The following PLXNA1 variants were observed in gnomAD, a reference collection of about 807,000 sequenced individuals.
PLXNA1 encodes the protein plexin-A1.
In PLXNA1, 77 loss-of-function variants were observed where a neutral mutation model predicts 191.7. That is an observed-to-expected ratio of 0.40 (90% confidence interval 0.33 to 0.49). The LOEUF (loss-of-function observed/expected upper bound fraction) is 0.49, where lower values mean the gene tolerates loss of function less well. Ranked by LOEUF, PLXNA1 falls within the 20% of genes least tolerant of loss-of-function variation. The probability of loss-of-function intolerance (pLI) is 0.63; values close to 1 mark genes in which losing one functional copy is unlikely to be tolerated. For missense variants in PLXNA1, 2,110 were observed against 2,660.2 expected, an observed-to-expected ratio of 0.79 and a Z score of 4.55; for synonymous variants, 1,137 against 1,156.4, an observed-to-expected ratio of 0.98 and a Z score of 0.34.
chr3:127,017,523 G>T lies in PLXNA1; in HGVS notation c.3375G>T (p.Glu1125Asp). The change falls in exon 18 of 32, where the codon GAG becomes GAT. Residue 1125 changes from glutamate (E) to aspartate (D), a missense_variant. By Grantham distance (45) the Glu-to-Asp change is conservative (BLOSUM62 2). This residue lies in a region of PLXNA1 where 644 missense variants were observed against 714.3 expected (regional missense o/e 0.90). Transcript: ENST00000393409. Reference protein sequence around the residue: ...SPPELGERPDELGFVMDNVRS... With the variant: ...SPPELGERPDDLGFVMDNVRS... Reference sequence around the variant, plus strand: ...CAGAGCTGGGGGAGCGGCCGGATGAGCTGGGCTTCGTCATGGACAACGTGC... The same window carrying T: ...CAGAGCTGGGGGAGCGGCCGGATGATCTGGGCTTCGTCATGGACAACGTGC... 1.2e-6 allele frequency: 2 copies of T among 1,613,630 alleles called. No homozygotes were observed. Among genetic ancestry groups the T allele is most frequent in the Non-Finnish European group, 1.7e-6 (2 of 1,180,004 alleles).
At chr3:127,028,123 GC>G (rs1559966089) in intron 24 of PLXNA1, 37 bp downstream of exon 24, 2 of 1,613,404 alleles carry the variant, frequency 1.2e-6, no homozygotes. Context: ...GTGCCCTGGT[GC>G]CCCCCACCCC....
Position 127,033,947 on chromosome 3 carries a change from A to C in PLXNA1, c.5621A>C (p.Glu1874Ala). The C allele has an allele frequency of 6.2e-7, 1 of 1,605,300 alleles. No individual in the cohort carries two copies. Among genetic ancestry groups the C allele is most frequent in the South Asian group, 1.1e-5 (1 of 88,780 alleles). ...ATCCTGGCAGCCCTGGAGAAGGATG[A>C]GCAGGCGCGGCGGCAGCGGCTGCGG... ...DEILAALEKD[E>A]QARRQRLRSK... The change falls in exon 32 of 32, where the codon GAG becomes GCG. Residue 1874 changes from glutamate (E) to alanine (A), a missense_variant. By Grantham distance (107) the Glu-to-Ala change is moderately radical. This residue lies in a region of PLXNA1 where 559 missense variants were observed against 911.5 expected (regional missense o/e 0.61). Coordinates refer to ENST00000393409, the MANE Select transcript of PLXNA1 (RefSeq NM_032242.4).
At chr3:126,987,773 C>T (rs2107619617) in intron 1 of PLXNA1, among the ~76,000 whole-genome samples, 1 of 145,286 alleles carries the variant, frequency 6.9e-6, no homozygotes, top group Non-Finnish European at 1.5e-5. Flanking sequence ...GGCCGTGTGG[C>T]GGGGCACCCG....
chr3:126,995,578 A>G (rs2079011366), intron 3 of PLXNA1, among the ~76,000 whole-genome samples: 1 of 152,270 alleles, frequency 6.6e-6, no homozygotes, highest in Non-Finnish European at 1.5e-5. Flanking sequence ...CAGCCTGCCC[A>G]TTCAGGGAAT....
At chr3:127,021,701 G>A (rs73861748) in intron 21 of PLXNA1, among the ~76,000 whole-genome samples, 5,234 of 152,226 alleles carry the variant, frequency 0.034, 312 homozygotes, top group African/African-American at 0.12. Flanking sequence ...CCCGCTGCAG[G>A]GGTTGCTGTT....
At position 126,988,746 on chromosome 3, in the gene PLXNA1, C is replaced by T. The variant is rs768562599; in HGVS notation, c.153C>T (p.Leu51=). The change falls in exon 2 of 32, where the codon CTC becomes CTT. Residue 51 remains leucine, a synonymous_variant. Transcript: ENST00000393409. The part of the protein sequence containing the change: ...FRTFSASDWG[L]THLVVHEQTG... Reference sequence around the variant, plus strand: ...CCTTCTCGGCCAGCGACTGGGGCCTCACCCACCTAGTGGTGCATGAGCAGA... The same window carrying T: ...CCTTCTCGGCCAGCGACTGGGGCCTTACCCACCTAGTGGTGCATGAGCAGA... 1.3e-6 allele frequency: 2 copies of T among 1,591,424 alleles called. No homozygotes were observed. The highest frequency in any genetic ancestry group is 3.4e-5 in the Admixed American group (2 of 59,126).
At chr3:127,004,558 G>T in intron 4 of PLXNA1, 53 bp from the exon 5 acceptor site, 1 of 1,326,172 alleles carries the variant, frequency 7.5e-7, no homozygotes, top group Non-Finnish European at 1.1e-6. Context: ...GGTGAGGATG[G>T]TCAAGGACCC....
chr3:127,010,420 C>A, intron 9 of PLXNA1, among the ~76,000 whole-genome samples: 1 of 151,928 alleles, frequency 6.6e-6, no homozygotes, highest in East Asian at 1.9e-4. Flanking sequence ...CTCAGTGGGC[C>A]GCATGGGTGC....
In PLXNA1 at chr3:127,014,554, A is replaced by C; in HGVS notation, c.2681A>C (p.Glu894Ala). 1 of 1,612,224 alleles carries C rather than the reference A, an allele frequency of 6.2e-7. No homozygotes were observed. The highest frequency in any genetic ancestry group is 8.5e-7 in the Non-Finnish European group (1 of 1,179,836). Residue 894 changes from glutamate (E) to alanine (A), a missense_variant, in exon 13 of 32, where the codon GAA (glutamate) becomes GCA (alanine). Coordinates refer to ENST00000393409, the MANE Select transcript of PLXNA1 (RefSeq NM_032242.4). ...GGCGAGAACCTGGGCCTGCGATTCG[A>C]AGACGTGCGTCTGGGCGTGCGCGTG... The part of the protein sequence containing the change: ...ITGENLGLRF[E>A]DVRLGVRVGK...
At chr3:126,994,176 C>G (rs989777939) in intron 3 of PLXNA1, among the ~76,000 whole-genome samples, 2 of 152,128 alleles carry the variant, frequency 1.3e-5, no homozygotes, top group Non-Finnish European at 2.9e-5. Flanking sequence ...TGGCTCTTCC[C>G]TCCCTTTCTG....
intron 1 of PLXNA1, among the ~76,000 whole-genome samples, chr3:126,984,067 T>C (rs959743082): frequency 2.0e-5 from 3 of 152,160 alleles, no homozygotes; most frequent in African/African-American, 7.2e-5. Context: ...TCCGATTGCT[T>C]CCTGGATAGT....
intron 9 of PLXNA1, among the ~76,000 whole-genome samples, chr3:127,008,441 C>T (rs1388172690): frequency 6.6e-6 from 1 of 152,156 alleles, no homozygotes; most frequent in Non-Finnish European, 1.5e-5. Flanking sequence ...AGTAATTATT[C>T]TGGGCTGGGC....
chr3:127,008,895 C>T (rs980193761), intron 9 of PLXNA1, among the ~76,000 whole-genome samples: 3 of 152,142 alleles, frequency 2.0e-5, no homozygotes, highest in Non-Finnish European at 2.9e-5. Context: ...GAGGGTAGCC[C>T]GGGGCAGCAG....
chr3:127,030,808 C>G (rs189124992), intron 29 of PLXNA1, among the ~76,000 whole-genome samples: 1 of 152,096 alleles, frequency 6.6e-6, no homozygotes, highest in African/African-American at 2.4e-5. Flanking sequence ...GTCTTTAGTG[C>G]GAGGAATTTA....
At chr3:126,987,297 T>C (rs555206836) in intron 1 of PLXNA1, among the ~76,000 whole-genome samples, 257 of 152,296 alleles carry the variant, frequency 1.7e-3, no homozygotes, top group Non-Finnish European at 3.1e-3. Flanking sequence ...GGTGAGACTT[T>C]TCCAGAGGCA....
At chr3:127,011,121 G>A (rs183845538) in intron 9 of PLXNA1, among the ~76,000 whole-genome samples, 200 of 152,354 alleles carry the variant, frequency 1.3e-3, no homozygotes, top group Non-Finnish European at 1.4e-3. Context: ...GCCACTGTGC[G>A]TGCCTGTGCC....
chr3:127,015,876 C>T (rs993937763), intron 15 of PLXNA1, among the ~76,000 whole-genome samples: 1 of 152,090 alleles, frequency 6.6e-6, no homozygotes, highest in Non-Finnish European at 1.5e-5. Context: ...TCCCCGTGAC[C>T]CCCACCCAGG....
chr3:127,033,866 G>C, intron 31 of PLXNA1, 56 bp from the exon 32 acceptor site: 1 of 1,462,344 alleles, frequency 6.8e-7, no homozygotes, highest in Non-Finnish European at 9.3e-7. Context: ...CCCTGGGCCT[G>C]CTGAGTGCAT....
chr3:127,032,943 C>T, intron 31 of PLXNA1, 107 bp downstream of exon 31: 3 of 1,187,618 alleles, frequency 2.5e-6, no homozygotes, highest in South Asian at 1.4e-5. Flanking sequence ...CTCTGGGCTG[C>T]CACTGACCAC....
Sources: gnomAD v4.1 joint callset for allele counts (sites outside exome capture counted in the v4.1 genomes callset) on GRCh38, gnomAD v4.1.1 for gene constraint, gnomAD v4.1.1 regional missense constraint, MANE v1.5 for transcripts, NCBI Gene and HGNC (gene_info 2026-07-23, HGNC 2026-07-21) for gene names.